LNX1: variants seen among roughly 807,000 people sequenced by gnomAD.
The protein encoded by LNX1 is ligand of numb-protein X 1.
LNX1 carries 54 observed loss-of-function variants against 68.4 expected under a neutral mutation model. The ratio of observed to expected loss-of-function variants is 0.79; its 90% CI spans 0.63 to 0.99. The LOEUF (loss-of-function observed/expected upper bound fraction) is 0.99. LNX1 is among the 50% of genes least tolerant of loss of function. The pLI is 0.00. For missense variants in LNX1, 906 were observed against 926.4 expected (o/e 0.98, Z 0.29); for synonymous variants, 336 against 350.0 (o/e 0.96, Z 0.45).
At chr4:53,625,842 CCCGTGTGTGTGTGTGTGTGTGT>C (rs1452102840) in intron 1 of LNX1, among the ~76,000 whole-genome samples, 1 of 50,490 alleles carries the variant, frequency 2.0e-5, no homozygotes, top group African/African-American at 5.2e-5. Context: ...GCAATTCCAC[CCCGTGTGTGTGTGTGTGTGTGT>C]GTGTGTGTGT....
intron 9 of LNX1, among the ~76,000 whole-genome samples, chr4:53,467,761 T>C (rs906375218): frequency 6.6e-6 from 1 of 151,896 alleles, no homozygotes; most frequent in Admixed American, 6.6e-5. Context: ...ACAAAATGAA[T>C]GAAATGAAGC....
intron 6 of LNX1, among the ~76,000 whole-genome samples, chr4:53,488,369 C>T (rs1724461519): frequency 6.6e-6 from 1 of 152,184 alleles, no homozygotes; most frequent in East Asian, 1.9e-4. Flanking sequence ...TCATTGCTCT[C>T]TCTTAGCTCT....
At chr4:53,640,322 T>G (rs1411186962) in intron 1 of LNX1, among the ~76,000 whole-genome samples, 1 of 152,146 alleles carries the variant, frequency 6.6e-6, no homozygotes, top group Non-Finnish European at 1.5e-5. Context: ...GATAGAGAAG[T>G]CTTTCTTTGG....
intron 1 of LNX1, among the ~76,000 whole-genome samples, chr4:53,577,440 G>A (rs1016519841): frequency 9.9e-5 from 15 of 152,270 alleles, no homozygotes; most frequent in Admixed American, 2.6e-4. Flanking sequence ...TCCCTTGTTG[G>A]TGAAATGGTG....
rs949839835 is a variant in LNX1 at position 53,590,638 on chromosome 4, G to GA, written c.-87+749dup. 2.4e-4 allele frequency among the ~76,000 whole-genome samples: 36 copies of GA among 152,226 alleles called. 2 individuals are homozygous for GA. Among genetic ancestry groups the GA allele is most frequent in the Admixed American group, 1.8e-3 (28 of 15,290 alleles). ...TTTGCTATTAAAAGAAAAAGAGACA[G>GA]AAAAAGCCAAAGAGGTCCAAAAAAT... On this transcript the variant is annotated intron_variant, in intron 1 of 10. Coordinates refer to ENST00000263925, the MANE Select transcript of LNX1 (RefSeq NM_001126328.3).
chr4:53,509,112 T>C (rs536317324), intron 2 of LNX1, among the ~76,000 whole-genome samples: 2 of 152,202 alleles, frequency 1.3e-5, no homozygotes, highest in Non-Finnish European at 2.9e-5. Context: ...CGGCAAGTCA[T>C]TGCAGCGCAC....
chr4:53,566,233 A>C (rs995883232), intron 2 of LNX1, among the ~76,000 whole-genome samples: 29 of 151,382 alleles, frequency 1.9e-4, no homozygotes, highest in East Asian at 5.8e-4. Context: ...AAAAAATGTT[A>C]AGGGCAGCCA....
At chr4:53,577,485 T>C (rs1478778202) in intron 1 of LNX1, among the ~76,000 whole-genome samples, 1 of 152,228 alleles carries the variant, frequency 6.6e-6, no homozygotes, top group Non-Finnish European at 1.5e-5. Context: ...CAAACTGTGC[T>C]GTGGAAGGCA....
chr4:53,635,886 G>A (rs1365874569), intron 1 of LNX1, among the ~76,000 whole-genome samples: 8 of 152,288 alleles, frequency 5.3e-5, no homozygotes, highest in Non-Finnish European at 1.2e-4. Flanking sequence ...CTGCAGCTGG[G>A]AAGGTATTTC....
At chr4:53,564,794 G>C (rs1730533484) in intron 2 of LNX1, among the ~76,000 whole-genome samples, 1 of 152,208 alleles carries the variant, frequency 6.6e-6, no homozygotes, top group Non-Finnish European at 1.5e-5. Flanking sequence ...CGCGCACCCT[G>C]CGCCAGCCGA....
chr4:53,543,557 C>T (rs997180505), intron 2 of LNX1, among the ~76,000 whole-genome samples: 8 of 151,996 alleles, frequency 5.3e-5, no homozygotes, highest in South Asian at 2.1e-4. Flanking sequence ...ACAAAGAAAA[C>T]GCTGAACAGA....
At chr4:53,491,933 G>A (rs909405160) in intron 6 of LNX1, among the ~76,000 whole-genome samples, 22 of 151,736 alleles carry the variant, frequency 1.4e-4, no homozygotes, top group South Asian at 4.2e-4. Context: ...GATCACAGGC[G>A]TGCGCCCCCA....
Position 53,478,607 on chromosome 4 carries a change from C to G in LNX1, c.1621G>C (p.Glu541Gln). ...TCTCTGCTTATGACTCCTCCGGGCT[C>G]AACACTGATGACATAGATAGGCAAA... ...WDLPIYVISVEPGGVISRDGR... is the reference protein window; with the variant it reads ...WDLPIYVISVQPGGVISRDGR... The change falls in exon 8 of 11, where the codon GAG (glutamate) becomes CAG (glutamine). Residue 541 changes from glutamate (E) to glutamine (Q), a missense_variant. Transcript: ENST00000263925. 2 of 1,614,004 alleles carry G rather than the reference C, an allele frequency of 1.2e-6. No homozygotes were observed. The highest frequency in any genetic ancestry group is 1.7e-6 in the Non-Finnish European group (2 of 1,179,952).
intron 7 of LNX1, 50 bp downstream of exon 7, chr4:53,481,670 C>T (rs755434273): frequency 3.9e-5 from 62 of 1,575,746 alleles, no homozygotes; most frequent in Middle Eastern, 1.9e-4. Context: ...AGCAGCCTTC[C>T]CAAGAAATAG....
chr4:53,571,985 GT>G (rs1731197442), intron 2 of LNX1, among the ~76,000 whole-genome samples: 1 of 152,158 alleles, frequency 6.6e-6, no homozygotes, highest in South Asian at 2.1e-4. Context: ...AAGTCACTAA[GT>G]TTGTGATTTG....
Position 53,605,740 on chromosome 4 carries a change from C to T in LNX1, c.-215+10777G>A, listed in dbSNP as rs1291322642. On this transcript the variant is annotated intron_variant, in intron 2 of 3. Transcript: ENST00000504299. ...TGTCCTCTAGGTTCCTCCATGTTGT[C>T]ACAAATGAGAGGATCTCCTTTTTAA... Among the ~76,000 whole-genome samples, 3 of 152,274 alleles carry T rather than the reference C, an allele frequency of 2.0e-5. No individual in the cohort carries two copies. The East Asian group carries it at 5.8e-4, about 29-fold the overall frequency.
At chr4:53,467,177 G>T (rs557745949) in intron 9 of LNX1, among the ~76,000 whole-genome samples, 1 of 152,098 alleles carries the variant, frequency 6.6e-6, no homozygotes, top group Non-Finnish European at 1.5e-5. Context: ...CAGCATTTGC[G>T]TTTCACCAAT....
intron 2 of LNX1, among the ~76,000 whole-genome samples, chr4:53,572,966 A>G (rs1176842182): frequency 5.3e-5 from 8 of 152,236 alleles, no homozygotes; most frequent in East Asian, 1.9e-4. Flanking sequence ...TACAGAGGAA[A>G]TTCTAATAAT....
chr4:53,627,971 G>A (rs1046051723), intron 1 of LNX1, among the ~76,000 whole-genome samples: 5 of 152,178 alleles, frequency 3.3e-5, no homozygotes, highest in African/African-American at 7.2e-5. Context: ...GAGGAAAAAA[G>A]TGCATTTAGG....
Sources: gnomAD v4.1 joint callset for allele counts (sites outside exome capture counted in the v4.1 genomes callset) on GRCh38, gnomAD v4.1.1 for gene constraint, MANE v1.5 for transcripts, NCBI Gene and HGNC (gene_info 2026-07-23, HGNC 2026-07-21) for gene names.